PM20D1: variants seen among roughly 807,000 people sequenced by gnomAD.
PM20D1 encodes the protein N-fatty-acyl-amino acid synthase/hydrolase PM20D1.
Under a neutral mutation model 53.8 loss-of-function variants are expected in PM20D1, and 53 were observed. The ratio of observed to expected loss-of-function variants is 0.98; its 90% confidence interval spans 0.79 to 1.24. The LOEUF (loss-of-function observed/expected upper bound fraction) is 1.24. Ranked by LOEUF, PM20D1 falls within the 50% of genes most tolerant of loss-of-function variation. PM20D1 has a pLI of 0.00. For synonymous variants in PM20D1, 239 were observed against 241.3 expected, an observed-to-expected ratio of 0.99 and a Z score of 0.09; for missense variants, 564 against 616.8, an observed-to-expected ratio of 0.91 and a Z score of 0.91.
At chr1:205,839,917 A>AC (rs1290602983) in intron 10 of PM20D1, among the ~76,000 whole-genome samples, 1 of 147,544 alleles carries the variant, frequency 6.8e-6, no homozygotes, top group Non-Finnish European at 1.5e-5. Context: ...ACTCAAAAAA[A>AC]AAAAAAAAAA....
chr1:205,843,779 C>G lies in PM20D1; in HGVS notation c.715G>C (p.Val239Leu), dbSNP rs766205030. 1.9e-6 allele frequency: 3 copies of G among 1,613,666 alleles called. No individual in the cohort carries two copies. In the South Asian group the frequency reaches 3.3e-5, roughly 18 times the overall value. Residue 239 changes from valine to leucine, a missense_variant, in exon 6 of 13, where the codon GTC becomes CTC. By Grantham distance (32) the Val-to-Leu change is conservative. Coordinates refer to ENST00000367136, the MANE Select transcript of PM20D1 (RefSeq NM_152491.5). ...NFKKPIALIA[V>L]SEKGSMNLML... ...AGGTTCATGGAACCCTTCTCTGAGA[C>G]TGCAATCCTGTAGAAGAGGATCGGA...
chr1:205,844,224 A>G lies in PM20D1; in HGVS notation c.577-7T>C. 1.2e-6 allele frequency: 2 copies of G among 1,604,600 alleles called. No homozygotes were observed. Among genetic ancestry groups the G allele is most frequent in the Non-Finnish European group, 8.5e-7 (1 of 1,174,734 alleles). ...GAGCCCCTGTCCCTGATGACTGCAG[A>G]CATGGAACATAGAGCTATAGTCCTT... On this transcript the variant is annotated splice_region_variant and splice_polypyrimidine_tract_variant and intron_variant, in intron 4 of 12. Transcript: ENST00000367136.
chr1:205,845,021 G>T, intron 3 of PM20D1, 124 bp from the exon 4 acceptor site: 1 of 802,844 alleles, frequency 1.2e-6, no homozygotes, highest in Non-Finnish European at 2.0e-6. Context: ...AGATTCTCTT[G>T]AAAGAGAACA....
At chr1:205,832,867 C>T (rs1187854284) in intron 10 of PM20D1, 101 bp from the exon 11 acceptor site, 2 of 1,322,906 alleles carry the variant, frequency 1.5e-6, no homozygotes, top group Non-Finnish European at 1.0e-6. Context: ...GGCAGAGCCT[C>T]AGGGTTTACA....
rs757720724 is a variant in PM20D1, at chr1:205,828,744, C to G, written c.1386-1G>C. 1 of 1,613,842 alleles carries G rather than the reference C, an allele frequency of 6.2e-7. No individual in the cohort carries two copies. Among genetic ancestry groups the G allele is most frequent in the Non-Finnish European group, 8.5e-7 (1 of 1,179,826 alleles). ...GATTTTCTCGTTGACTCCATGGATG[C>G]TGAGGAAAGTAAGGTGCATTTAGGG... On this transcript the variant is annotated splice_acceptor_variant, in intron 12 of 12. Coordinates refer to ENST00000367136, the MANE Select transcript of PM20D1 (RefSeq NM_152491.5). LOFTEE classifies it high-confidence loss of function.
intron 1 of PM20D1, among the ~76,000 whole-genome samples, chr1:205,849,456 T>TG (rs1657077580): frequency 1.3e-5 from 2 of 152,224 alleles, no homozygotes; most frequent in South Asian, 4.1e-4. Flanking sequence ...TGTGGGGCCC[T>TG]GGGGAAGATC....
At chr1:205,836,703 G>C (rs1477636865) in intron 10 of PM20D1, among the ~76,000 whole-genome samples, 1 of 152,052 alleles carries the variant, frequency 6.6e-6, no homozygotes, top group Non-Finnish European at 1.5e-5. Context: ...GGGTCTCACT[G>C]TGTTGTCCAG....
chr1:205,828,700 T>G lies in PM20D1; in HGVS notation c.1429A>C (p.Thr477Pro). 6.2e-7 allele frequency: 1 copy of G among 1,614,098 alleles called. No individual in the cohort carries two copies. The highest frequency in any genetic ancestry group is 8.5e-7 in the Non-Finnish European group (1 of 1,179,994). Residue 477 changes from threonine (T) to proline (P), a missense_variant, in exon 13 of 13, where the codon ACC (threonine) becomes CCC (proline). By Grantham distance (38) the Thr-to-Pro change is conservative. Transcript: ENST00000367136. ...AACTCAAAGATGAATTTCACTTGGG[T>G]CTCATAGGCTTGGACTGAGATTTTC... ...NEKISVQAYETQVKFIFELIQ... is the reference protein window; with the variant it reads ...NEKISVQAYEPQVKFIFELIQ...
chr1:205,845,182 G>T, intron 3 of PM20D1, 143 bp downstream of exon 3: 2 of 828,828 alleles, frequency 2.4e-6, no homozygotes, highest in South Asian at 1.7e-5. Context: ...GAGAAGGGAA[G>T]TGACAAACTG....
intron 10 of PM20D1, among the ~76,000 whole-genome samples, chr1:205,836,860 C>T (rs542724549): frequency 7.9e-5 from 12 of 152,096 alleles, no homozygotes; most frequent in Admixed American, 2.6e-4. Flanking sequence ...TAGTACTAGA[C>T]GCATCATAAA....
At chr1:205,837,346 G>A (rs539691856) in intron 10 of PM20D1, among the ~76,000 whole-genome samples, 14 of 152,192 alleles carry the variant, frequency 9.2e-5, no homozygotes, top group Non-Finnish European at 1.5e-4. Context: ...CCCTCAAGTG[G>A]AGACTCCCTC....
chr1:205,842,648 T>G (rs748661227), intron 7 of PM20D1, 28 bp downstream of exon 7: 2 of 1,605,686 alleles, frequency 1.2e-6, no homozygotes, highest in South Asian at 2.2e-5. Flanking sequence ...CCTAGCTGAT[T>G]AGGAGTATGT....
At chr1:205,849,793 C>T (rs764957789) in intron 1 of PM20D1, 111 bp downstream of exon 1, 63 of 1,391,658 alleles carry the variant, frequency 4.5e-5, no homozygotes, top group Non-Finnish European at 6.0e-5. Context: ...CGTGTCGGGG[C>T]TCCAGCTGCA....
chr1:205,839,673 G>A (rs187777997), intron 10 of PM20D1, among the ~76,000 whole-genome samples: 5 of 151,974 alleles, frequency 3.3e-5, no homozygotes, highest in Admixed American at 2.0e-4. Flanking sequence ...GTGAAACACC[G>A]TCTCTACTAA....
At chr1:205,844,569 C>G (rs1330423877) in intron 4 of PM20D1, among the ~76,000 whole-genome samples, 1 of 152,226 alleles carries the variant, frequency 6.6e-6, no homozygotes, top group Admixed American at 6.5e-5. Flanking sequence ...GTGATGGACC[C>G]ACTGCCTGCC....
chr1:205,838,359 T>G (rs753432986), intron 10 of PM20D1, among the ~76,000 whole-genome samples: 20 of 152,234 alleles, frequency 1.3e-4, no homozygotes, highest in Non-Finnish European at 2.5e-4. Flanking sequence ...TCTGTGTAAC[T>G]TCTACTCACC....
intron 3 of PM20D1, 149 bp from the exon 4 acceptor site, chr1:205,845,046 A>G (rs1656917105): frequency 4.2e-6 from 3 of 708,658 alleles, no homozygotes; most frequent in Admixed American, 2.6e-5. Context: ...CAAATGGTAC[A>G]GGGGACCTGA....
chr1:205,844,034 C>A, intron 5 of PM20D1, 53 bp downstream of exon 5: 1 of 1,567,114 alleles, frequency 6.4e-7, no homozygotes, highest in Non-Finnish European at 8.7e-7. Context: ...CTGGGGTCAT[C>A]TCAAATGGGG....
intron 7 of PM20D1, 95 bp from the exon 8 acceptor site, chr1:205,842,310 G>T: frequency 8.6e-7 from 1 of 1,156,388 alleles, no homozygotes; most frequent in East Asian, 2.4e-5. Flanking sequence ...CTGCCTCAGG[G>T]GCCCTTAGCA....
Sources: gnomAD v4.1 joint callset for allele counts (sites outside exome capture counted in the v4.1 genomes callset) on GRCh38, gnomAD v4.1.1 for gene constraint, MANE v1.5 for transcripts, NCBI Gene and HGNC (gene_info 2026-07-23, HGNC 2026-07-21) for gene names.